TMEM51: variants seen among roughly 807,000 people sequenced by gnomAD.
TMEM51 encodes transmembrane protein 51.
A neutral mutation model predicts 13.6 loss-of-function variants in TMEM51; 8 were observed. That is an observed-to-expected ratio of 0.59 (90% CI 0.35 to 1.07). The LOEUF (loss-of-function observed/expected upper bound fraction) is 1.07, where lower values mean the gene tolerates loss of function less well. TMEM51 is among the 50% of genes least tolerant of loss of function. The probability of loss-of-function intolerance (pLI) is 0.02; values close to 1 mark genes in which losing one functional copy is unlikely to be tolerated. For missense variants in TMEM51, 279 were observed against 330.7 expected, an observed-to-expected ratio of 0.84 and a Z score of 1.21; for synonymous variants, 147 against 144.4, an observed-to-expected ratio of 1.02 and a Z score of -0.13.
intron 1 of TMEM51, among the ~76,000 whole-genome samples, chr1:15,194,070 G>A (rs781693245): frequency 6.6e-6 from 1 of 152,216 alleles, no homozygotes; most frequent in Non-Finnish European, 1.5e-5. Flanking sequence ...TGCCAGGCTT[G>A]TTCTTGGACT....
At chr1:15,163,181 C>T (rs952871931) in intron 1 of TMEM51, among the ~76,000 whole-genome samples, 1 of 151,960 alleles carries the variant, frequency 6.6e-6, no homozygotes, top group Non-Finnish European at 1.5e-5. Context: ...TTCCTGCCCT[C>T]TTGGAGCTTA....
intron 1 of TMEM51, among the ~76,000 whole-genome samples, chr1:15,193,820 G>A (rs1643990070): frequency 6.6e-6 from 1 of 152,208 alleles, no homozygotes; most frequent in Non-Finnish European, 1.5e-5. Context: ...GCCTCCCAGA[G>A]TGCTGGGATT....
chr1:15,180,284 T>C (rs1270299735), intron 1 of TMEM51, among the ~76,000 whole-genome samples: 2 of 152,216 alleles, frequency 1.3e-5, no homozygotes, highest in African/African-American at 4.8e-5. Flanking sequence ...GGCTGTCTCC[T>C]GATCGTCAGC....
intron 1 of TMEM51, among the ~76,000 whole-genome samples, chr1:15,201,402 T>C (rs559970123): frequency 1.3e-5 from 2 of 151,026 alleles, no homozygotes; most frequent in Non-Finnish European, 3.0e-5. Flanking sequence ...AGTATTAAAA[T>C]TGTATAAATA....
intron 3 of TMEM51, among the ~76,000 whole-genome samples, chr1:15,217,548 C>T (rs1019903584): frequency 1.3e-5 from 2 of 152,118 alleles, no homozygotes; most frequent in African/African-American, 4.8e-5. Flanking sequence ...AAAAGTCCCA[C>T]AATTTGCCAT....
At chr1:15,167,669 T>C (rs1643072683) in intron 1 of TMEM51, among the ~76,000 whole-genome samples, 1 of 152,196 alleles carries the variant, frequency 6.6e-6, no homozygotes, top group African/African-American at 2.4e-5. Flanking sequence ...AGGGACCTAA[T>C]GAAACATTGA....
In TMEM51 at chr1:15,219,378, A is replaced by G; in HGVS notation, c.397A>G (p.Ser133Gly). The G allele has an allele frequency of 6.2e-7, 1 of 1,609,200 alleles. No homozygotes were observed. The highest frequency in any genetic ancestry group is 8.5e-7 in the Non-Finnish European group (1 of 1,176,504). The change falls in exon 4 of 4, where the codon AGC becomes GGC. Residue 133 changes from serine to glycine, a missense_variant. Coordinates refer to ENST00000376008, the MANE Select transcript of TMEM51 (RefSeq NM_001136218.2). ...GGCTGCCTCAAGGTACTATGTTCCC[A>G]GCTACGAGGAAGTGATGAACACAAA... ...EEAASRYYVP[S>G]YEEVMNTNYS...
intron 1 of TMEM51, among the ~76,000 whole-genome samples, chr1:15,180,132 G>A (rs1358349709): frequency 6.6e-6 from 1 of 152,232 alleles, no homozygotes; most frequent in African/African-American, 2.4e-5. Flanking sequence ...TTGATGCCCA[G>A]CCTGCGGTGG....
At chr1:15,160,389 T>A (rs1642735705) in intron 1 of TMEM51, among the ~76,000 whole-genome samples, 1 of 152,192 alleles carries the variant, frequency 6.6e-6, no homozygotes, top group South Asian at 2.1e-4. Flanking sequence ...TTCTCTTGCC[T>A]CAGCCTCCTG....
intron 1 of TMEM51, among the ~76,000 whole-genome samples, chr1:15,191,321 C>T (rs780683433): frequency 7.9e-5 from 12 of 152,346 alleles, no homozygotes; most frequent in Admixed American, 2.6e-4. Context: ...ACCTCCAGAA[C>T]GACAAGAGAA....
In TMEM51 at chr1:15,154,183, G is replaced by A. The variant is rs145695656; in HGVS notation, c.-267+229G>A. 7.7e-3 allele frequency among the ~76,000 whole-genome samples: 1,165 copies of A among 152,238 alleles called. 5 individuals carry two copies. The highest frequency in any genetic ancestry group is 0.011 in the Non-Finnish European group (749 of 67,992). On this transcript the variant is annotated intron_variant, in intron 1 of 3. Coordinates refer to ENST00000376008, the MANE Select transcript of TMEM51 (RefSeq NM_001136218.2). Reference sequence around the variant, plus strand: ...TCCCGCCTCCCGGGCACCGCGCCTGGCCAGCTGGCCTCGGCTGGGGAAGGC... The same window carrying A: ...TCCCGCCTCCCGGGCACCGCGCCTGACCAGCTGGCCTCGGCTGGGGAAGGC...
chr1:15,197,906 G>A (rs972982381), intron 1 of TMEM51, among the ~76,000 whole-genome samples: 3 of 146,722 alleles, frequency 2.0e-5, no homozygotes, highest in South Asian at 4.3e-4. Flanking sequence ...TCCCACAACC[G>A]TGAACCTCTC....
At chr1:15,203,817 TA>T (rs762489493) in intron 1 of TMEM51, among the ~76,000 whole-genome samples, 2 of 152,178 alleles carry the variant, frequency 1.3e-5, no homozygotes, top group African/African-American at 4.8e-5. Context: ...TAGATCCCAG[TA>T]AAATTTACTT....
intron 2 of TMEM51, among the ~76,000 whole-genome samples, chr1:15,212,051 A>AATTTAT (rs1644349504): frequency 6.6e-6 from 1 of 152,182 alleles, no homozygotes; most frequent in African/African-American, 2.4e-5. Context: ...AAGTGCGTGA[A>AATTTAT]CCATAATTTA....
rs1249126669 is a variant in TMEM51 at position 15,215,238 on chromosome 1, A to C, written c.151A>C (p.Thr51Pro). Reference sequence around the variant, plus strand: ...GCCAACAGCTCAGGGCAGCAACAAGACCGAGGTGGGTGGCGGCATCCTCAA... The same window carrying C: ...GCCAACAGCTCAGGGCAGCAACAAGCCCGAGGTGGGTGGCGGCATCCTCAA... ...EKPTAQGSNK[T>P]EVGGGILKSK... Residue 51 changes from threonine (T) to proline (P), a missense_variant, in exon 3 of 4, where the codon ACC becomes CCC. By Grantham distance (38) the Thr-to-Pro change is conservative. Coordinates refer to ENST00000376008, the MANE Select transcript of TMEM51 (RefSeq NM_001136218.2). 1 of 1,614,018 alleles carries C rather than the reference A, an allele frequency of 6.2e-7. No individual in the cohort carries two copies. The highest frequency in any genetic ancestry group is 8.5e-7 in the Non-Finnish European group (1 of 1,180,022).
Position 15,153,843 on chromosome 1 carries a change from C to G in TMEM51, c.-378C>G, listed in dbSNP as rs1197729228. 4 of 147,206 alleles carry G rather than the reference C, an allele frequency of 2.7e-5. No individual in the cohort carries two copies. In the East Asian group the frequency reaches 8.2e-4, roughly 30 times the overall value. The allele number at this position is 147,206 out of a possible 1,614,324, so 9.1% of individuals were successfully genotyped here. A position where few individuals can be genotyped will look rare whatever the true frequency, so the allele number is the denominator to read the frequency against. ...CGGCTAAGAATCCCCCGAACCCCAGCCCCGCGATCGCGGCGCCCACCGAGG... is the reference window on the plus strand; with the variant it reads ...CGGCTAAGAATCCCCCGAACCCCAGGCCCGCGATCGCGGCGCCCACCGAGG... On this transcript the variant is annotated 5_prime_UTR_variant, in exon 1 of 4. Coordinates refer to ENST00000376008, the MANE Select transcript of TMEM51 (RefSeq NM_001136218.2).
intron 1 of TMEM51, among the ~76,000 whole-genome samples, chr1:15,194,492 G>A (rs761978328): frequency 1.3e-5 from 2 of 152,144 alleles, no homozygotes; most frequent in African/African-American, 2.4e-5. Context: ...AGTGGGCTCC[G>A]TGGCTCCCTG....
intron 3 of TMEM51, among the ~76,000 whole-genome samples, chr1:15,216,472 A>G (rs10803365): frequency 0.15 from 22,276 of 152,098 alleles, 1,830 homozygotes; most frequent in East Asian, 0.3. Context: ...TTTGCCTATC[A>G]TATTGATCAA....
chr1:15,184,025 C>A (rs1351997037), intron 1 of TMEM51, among the ~76,000 whole-genome samples: 3 of 152,148 alleles, frequency 2.0e-5, no homozygotes, highest in Admixed American at 6.6e-5. Context: ...TCCTTTCCTT[C>A]TTCTTTCCTT....
Sources: gnomAD v4.1 joint callset for allele counts (sites outside exome capture counted in the v4.1 genomes callset) on GRCh38, gnomAD v4.1.1 for gene constraint, MANE v1.5 for transcripts, NCBI Gene and HGNC (gene_info 2026-07-23, HGNC 2026-07-21) for gene names.